Variants in IMMP2L observed in about 807,000 individuals in gnomAD.
IMMP2L encodes mitochondrial inner membrane protease subunit 2.
IMMP2L carries 18 observed loss-of-function variants against 19.3 expected under a neutral mutation model. The ratio of observed to expected loss-of-function variants is 0.93; its 90% CI spans 0.64 to 1.38. The LOEUF (loss-of-function observed/expected upper bound fraction) is 1.38. IMMP2L is among the 40% of genes most tolerant of loss of function. IMMP2L has a pLI of 0.00. For synonymous variants in IMMP2L, 76 were observed against 73.0 expected (o/e 1.04, Z -0.21); for missense variants, 233 against 218.2 (o/e 1.07, Z -0.43).
intron 3 of IMMP2L, among the ~76,000 whole-genome samples, chr7:110,988,054 G>A (rs934866023): frequency 1.1e-4 from 17 of 152,200 alleles, no homozygotes; most frequent in South Asian, 8.3e-4. Flanking sequence ...GGAGAACAAA[G>A]TAGAGCCTTA....
intron 5 of IMMP2L, among the ~76,000 whole-genome samples, chr7:110,829,168 TAGA>T (rs1488507986): frequency 6.6e-6 from 1 of 152,146 alleles, no homozygotes; most frequent in East Asian, 1.9e-4. Context: ...ATTCTGTACC[TAGA>T]AGATTACTGA....
intron 2 of IMMP2L, among the ~76,000 whole-genome samples, chr7:111,501,544 A>T (rs1271581755): frequency 6.6e-6 from 1 of 152,188 alleles, no homozygotes; most frequent in Non-Finnish European, 1.5e-5. Context: ...AGTTGAAATG[A>T]AGGAAAAAAT....
At chr7:110,974,194 A>G (rs1252358138) in intron 3 of IMMP2L, among the ~76,000 whole-genome samples, 1 of 152,154 alleles carries the variant, frequency 6.6e-6, no homozygotes, top group Non-Finnish European at 1.5e-5. Context: ...TCTCAGAAAC[A>G]TATGCTCACC....
intron 3 of IMMP2L, among the ~76,000 whole-genome samples, chr7:111,236,240 T>C (rs1380782889): frequency 1.3e-5 from 2 of 152,236 alleles, no homozygotes; most frequent in East Asian, 3.9e-4. Context: ...CTTCCAAACA[T>C]GATTTTCACC....
At chr7:110,853,175 T>C (rs1211135763) in intron 5 of IMMP2L, among the ~76,000 whole-genome samples, 1 of 151,736 alleles carries the variant, frequency 6.6e-6, no homozygotes, top group Non-Finnish European at 1.5e-5. Flanking sequence ...GGCATAGAAA[T>C]AAGACAAACA....
intron 5 of IMMP2L, among the ~76,000 whole-genome samples, chr7:110,714,822 C>A (rs1449778620): frequency 3.3e-5 from 5 of 152,104 alleles, no homozygotes; most frequent in African/African-American, 1.2e-4. Context: ...GTCTCGAACT[C>A]GACCTTAAGT....
intron 3 of IMMP2L, among the ~76,000 whole-genome samples, chr7:111,024,166 C>T (rs1826579820): frequency 6.6e-6 from 1 of 152,102 alleles, no homozygotes; most frequent in Non-Finnish European, 1.5e-5. Flanking sequence ...AAAATTTTAG[C>T]AATGCATCTT....
At chr7:111,536,775 GAATAT>G (rs1396107293) in intron 1 of IMMP2L, among the ~76,000 whole-genome samples, 3 of 151,950 alleles carry the variant, frequency 2.0e-5, no homozygotes, top group South Asian at 2.1e-4. Flanking sequence ...ACTATTCTTT[GAATAT>G]TATATCAGCA....
intron 5 of IMMP2L, among the ~76,000 whole-genome samples, chr7:110,716,372 T>G (rs1377997679): frequency 1.3e-5 from 2 of 152,126 alleles, no homozygotes; most frequent in Admixed American, 6.5e-5. Flanking sequence ...TAGTTGCTAT[T>G]GTGTGGTTGC....
chr7:110,743,277 A>G (rs1352045700), intron 5 of IMMP2L, among the ~76,000 whole-genome samples: 1 of 152,184 alleles, frequency 6.6e-6, no homozygotes, highest in Non-Finnish European at 1.5e-5. Context: ...GTGGCAGAAT[A>G]TGTCTAAATT....
chr7:111,475,648 T>C (rs1841651850), intron 3 of IMMP2L, among the ~76,000 whole-genome samples: 2 of 151,978 alleles, frequency 1.3e-5, no homozygotes, highest in Admixed American at 6.6e-5. Context: ...AATTAACCAT[T>C]AGAATATTAA....
chr7:110,754,128 G>A (rs1797901024), intron 5 of IMMP2L, among the ~76,000 whole-genome samples: 1 of 151,876 alleles, frequency 6.6e-6, no homozygotes, highest in Non-Finnish European at 1.5e-5. Flanking sequence ...TATTTTGGGA[G>A]GCTGTCCTTA....
intron 3 of IMMP2L, among the ~76,000 whole-genome samples, chr7:110,995,421 G>C (rs1036679458): frequency 3.3e-5 from 5 of 152,126 alleles, no homozygotes; most frequent in South Asian, 2.1e-4. Flanking sequence ...TAAGAAAACT[G>C]TTTTCCTCAG....
chr7:111,078,993 G>C (rs1165256362), intron 3 of IMMP2L, among the ~76,000 whole-genome samples: 1 of 152,042 alleles, frequency 6.6e-6, no homozygotes, highest in Non-Finnish European at 1.5e-5. Context: ...ACCTCCCAAA[G>C]TGCTGGGATT....
At chr7:110,961,820 T>C (rs1271259317) in intron 4 of IMMP2L, among the ~76,000 whole-genome samples, 1 of 151,886 alleles carries the variant, frequency 6.6e-6, no homozygotes, top group East Asian at 1.9e-4. Context: ...TCAAAGACTA[T>C]ATATTGTATA....
chr7:111,534,040 A>G (rs1847645833), intron 1 of IMMP2L, among the ~76,000 whole-genome samples: 1 of 152,070 alleles, frequency 6.6e-6, no homozygotes, highest in South Asian at 2.1e-4. Context: ...ACATAAAAAG[A>G]TGTACAAACA....
chr7:111,425,436 A>G (rs2131636088), intron 3 of IMMP2L, among the ~76,000 whole-genome samples: 1 of 151,338 alleles, frequency 6.6e-6, no homozygotes, highest in Admixed American at 6.6e-5. Context: ...ACTGTAAACT[A>G]TTCTTGAACT....
chr7:110,771,837 C>T (rs1562965880), intron 5 of IMMP2L, among the ~76,000 whole-genome samples: 1 of 152,138 alleles, frequency 6.6e-6, no homozygotes, highest in African/African-American at 2.4e-5. Flanking sequence ...ATAACCTCCA[C>T]TTTACAGATG....
intron 2 of IMMP2L, among the ~76,000 whole-genome samples, chr7:111,503,895 C>A (rs1187552156): frequency 1.3e-5 from 2 of 152,100 alleles, no homozygotes; most frequent in Non-Finnish European, 2.9e-5. Flanking sequence ...GAAGCATTCC[C>A]TTTGAAAACT....
Sources: gnomAD v4.1 joint callset for allele counts (sites outside exome capture counted in the v4.1 genomes callset) on GRCh38, gnomAD v4.1.1 for gene constraint, MANE v1.5 for transcripts, NCBI Gene and HGNC (gene_info 2026-07-23, HGNC 2026-07-21) for gene names.